The following ZBTB20 variants were observed in gnomAD, a reference collection of about 807,000 sequenced individuals.
The protein encoded by ZBTB20 is zinc finger and BTB domain-containing protein 20.
In ZBTB20, 9 loss-of-function variants were observed where a neutral mutation model predicts 56.9. The observed-to-expected ratio is 0.16, with a 90% CI of 0.10 to 0.28. The LOEUF is 0.28. Among genes scored for constraint, ZBTB20 ranks in the 10% least tolerant of loss-of-function variants. ZBTB20 has a pLI of 1.00. For synonymous variants in ZBTB20, 417 were observed against 420.7 expected (o/e 0.99, Z 0.11); for missense variants, 655 against 1,003.0 (o/e 0.65, Z 4.69).
rs371139314 is a variant in ZBTB20 at position 115,120,652 on chromosome 3, G to A, written c.-703+26567C>T. On this transcript the variant is annotated intron_variant, in intron 1 of 11. Transcript: ENST00000675478. ...CAAATGGTTAAAAATCACTAAATGA[G>A]GAATTGAAGAGAATTTCAGGTTAGA... is the stretch of plus-strand genomic sequence containing the variant. Among the ~76,000 whole-genome samples, 11 of 152,062 alleles carry A rather than the reference G, an allele frequency of 7.2e-5. No individual in the cohort carries two copies. In the South Asian group the frequency reaches 1.0e-3, roughly 14 times the overall value.
chr3:115,037,562 G>A (rs2080978602), intron 2 of ZBTB20, among the ~76,000 whole-genome samples: 1 of 152,186 alleles, frequency 6.6e-6, no homozygotes. Flanking sequence ...TGGGATTACA[G>A]GCGTGGCCAC....
Position 114,409,197 on chromosome 3 carries a change from C to T in ZBTB20, c.-254-20092G>A, listed in dbSNP as rs1321359799. On this transcript the variant is annotated intron_variant, in intron 7 of 11. Transcript: ENST00000675478. Reference sequence around the variant, plus strand: ...AAGCTTTCTGACGTGAATGTGAAAACTCCGTTCTGAAGATACCCTGGTGCT... The same window carrying T: ...AAGCTTTCTGACGTGAATGTGAAAATTCCGTTCTGAAGATACCCTGGTGCT... 1.5e-4 allele frequency among the ~76,000 whole-genome samples: 19 copies of T among 124,932 alleles called. No individual in the cohort carries two copies. In the Admixed American group the frequency reaches 1.7e-3, roughly 11 times the overall value. The allele number at this position is 124,932 out of a possible 152,430, so 82.0% of individuals were successfully genotyped here. A position where few individuals can be genotyped will look rare whatever the true frequency, so the allele number is the denominator to read the frequency against.
intron 4 of ZBTB20, among the ~76,000 whole-genome samples, chr3:114,880,302 C>CAT (rs2076352314): frequency 6.6e-6 from 1 of 152,156 alleles, no homozygotes; most frequent in African/African-American, 2.4e-5. Flanking sequence ...AGCTGTTCTC[C>CAT]ATAGCCTGAG....
At chr3:115,073,524 G>A (rs1188781202) in intron 1 of ZBTB20, among the ~76,000 whole-genome samples, 4 of 151,926 alleles carry the variant, frequency 2.6e-5, no homozygotes, top group South Asian at 2.1e-4. Flanking sequence ...CAAAAGCAAC[G>A]TTAAAATATA....
chr3:114,346,554 TG>T (rs2080201355), intron 11 of ZBTB20, among the ~76,000 whole-genome samples: 2 of 152,232 alleles, frequency 1.3e-5, no homozygotes, highest in African/African-American at 4.8e-5. Context: ...CTTTCATTTA[TG>T]CCTCTACTTT....
intron 7 of ZBTB20, among the ~76,000 whole-genome samples, chr3:114,454,051 A>G (rs1424803096): frequency 2.7e-5 from 4 of 150,616 alleles, no homozygotes; most frequent in African/African-American, 9.8e-5. Flanking sequence ...GCTGGGAGCC[A>G]GAAACCCTCC....
chr3:114,524,411 G>A (rs751283260), intron 6 of ZBTB20, among the ~76,000 whole-genome samples: 7 of 152,120 alleles, frequency 4.6e-5, no homozygotes, highest in South Asian at 2.1e-4. Flanking sequence ...TAGAGGGAGC[G>A]TGTATTTACA....
intron 7 of ZBTB20, among the ~76,000 whole-genome samples, chr3:114,480,359 T>G (rs2041390490): frequency 6.6e-6 from 1 of 152,250 alleles, no homozygotes; most frequent in Non-Finnish European, 1.5e-5. Flanking sequence ...TGTAAACCTT[T>G]TCATGTACAG....
At chr3:114,958,302 T>G (rs2077318698) in intron 3 of ZBTB20, among the ~76,000 whole-genome samples, 1 of 152,264 alleles carries the variant, frequency 6.6e-6, no homozygotes, top group Non-Finnish European at 1.5e-5. Flanking sequence ...TTTTCTTACT[T>G]CCTGTAACTT....
At chr3:114,777,321 A>G (rs1045547280) in intron 5 of ZBTB20, among the ~76,000 whole-genome samples, 5 of 152,130 alleles carry the variant, frequency 3.3e-5, no homozygotes, top group Admixed American at 1.3e-4. Flanking sequence ...CCTGACTAAC[A>G]TGGAGAAATG....
chr3:114,780,739 GC>G (rs2070031435), intron 5 of ZBTB20, among the ~76,000 whole-genome samples: 1 of 152,124 alleles, frequency 6.6e-6, no homozygotes, highest in African/African-American at 2.4e-5. Flanking sequence ...GCCCACCTTG[GC>G]CTCCCAAAGT....
At chr3:114,697,636 C>T (rs1484314951) in intron 5 of ZBTB20, among the ~76,000 whole-genome samples, 2 of 151,610 alleles carry the variant, frequency 1.3e-5, no homozygotes, top group East Asian at 1.9e-4. Context: ...CTCTGTGTAC[C>T]GGTTAAGTGA....
intron 7 of ZBTB20, among the ~76,000 whole-genome samples, chr3:114,495,456 C>G (rs1317568318): frequency 6.8e-6 from 1 of 146,638 alleles, no homozygotes; most frequent in Non-Finnish European, 1.5e-5. Flanking sequence ...TGTGTATACA[C>G]ACACACACAC....
intron 6 of ZBTB20, among the ~76,000 whole-genome samples, chr3:114,511,257 T>C (rs1577193218): frequency 6.6e-6 from 1 of 152,118 alleles, no homozygotes; most frequent in Non-Finnish European, 1.5e-5. Flanking sequence ...CCTGGCCAGA[T>C]AAATGGAGCC....
In ZBTB20 at chr3:114,315,567, C is replaced by CTGTGTGTGTGTG. The variant is rs1560041347; in HGVS notation, c.*23437_*23438insCACACACACACA. ...TGTGTGTATTTTAGGTCTAAACATA[C>CTGTGTGTGTGTG]AGTGTGTGTGTGTGTGTGTGTGTGT... On this transcript the variant is annotated 3_prime_UTR_variant, in exon 12 of 12. Transcript: ENST00000675478. The CTGTGTGTGTGTG allele has an allele frequency of 2.9e-5, 1 of 34,942 alleles. No individual in the cohort carries two copies. Among genetic ancestry groups the CTGTGTGTGTGTG allele is most frequent in the African/African-American group, 9.2e-5 (1 of 10,918 alleles). The allele number at this position is 34,942 out of a possible 1,614,324, so 2.2% of individuals were successfully genotyped here.
intron 5 of ZBTB20, among the ~76,000 whole-genome samples, chr3:114,770,726 G>T (rs1028107916): frequency 1.2e-4 from 18 of 152,136 alleles, no homozygotes; most frequent in African/African-American, 3.9e-4. Flanking sequence ...ATGAATTTTG[G>T]AAATTATGCA....
At chr3:114,582,203 G>C (rs906635312) in intron 6 of ZBTB20, 1 of 152,054 alleles carries the variant, frequency 6.6e-6, no homozygotes, top group Non-Finnish European at 1.5e-5. Context: ...ACCTTGGGTT[G>C]GGTGTTGTCA....
chr3:114,594,402 G>T (rs1381867790), intron 6 of ZBTB20, among the ~76,000 whole-genome samples: 2 of 151,906 alleles, frequency 1.3e-5, no homozygotes, highest in African/African-American at 4.8e-5. Flanking sequence ...ATGTAGCTGG[G>T]ATTACAGGCA....
chr3:114,697,237 C>T (rs565023960), intron 5 of ZBTB20, among the ~76,000 whole-genome samples: 9 of 151,930 alleles, frequency 5.9e-5, no homozygotes, highest in Non-Finnish European at 1.0e-4. Context: ...CACACACACC[C>T]GTCTTCCTTA....
Sources: allele counts gnomAD v4.1 joint callset (sites outside exome capture counted in the v4.1 genomes callset), GRCh38; gene constraint gnomAD v4.1.1; transcripts MANE v1.5; gene names NCBI Gene and HGNC (gene_info 2026-07-23, HGNC 2026-07-21).